The following SCARA3 variants were observed in gnomAD, a reference collection of about 807,000 sequenced individuals.
SCARA3 encodes cellular stress response gene protein.
In SCARA3, 39 loss-of-function variants were observed where a neutral mutation model predicts 47.0. That is an observed-to-expected ratio of 0.83 (90% CI 0.64 to 1.08). The LOEUF is 1.08. Among genes scored for constraint, SCARA3 ranks in the 50% least tolerant of loss-of-function variants. The pLI is 0.00. For synonymous variants in SCARA3, 356 were observed against 334.1 expected, an observed-to-expected ratio of 1.07 and a Z score of -0.71; for missense variants, 724 against 792.3, an observed-to-expected ratio of 0.91 and a Z score of 1.04.
rs561125168 is a variant in SCARA3, at chr8:27,640,258, G to A, written c.7+6051G>A. 2.1e-4 allele frequency among the ~76,000 whole-genome samples: 32 copies of A among 152,210 alleles called. No homozygotes were observed. The South Asian group carries it at 6.5e-3, about 31-fold the overall frequency. Reference sequence around the variant, plus strand: ...CCAAAAAGGAAAAACATTCACTCACGTGAACTCCTGCCCTGTAGAGATAAT... The same window carrying A: ...CCAAAAAGGAAAAACATTCACTCACATGAACTCCTGCCCTGTAGAGATAAT... On this transcript the variant is annotated intron_variant, in intron 1 of 5. Transcript: ENST00000301904.
At chr8:27,657,290 G>A (rs1217027436) in intron 4 of SCARA3, among the ~76,000 whole-genome samples, 1 of 150,956 alleles carries the variant, frequency 6.6e-6, no homozygotes, top group African/African-American at 2.4e-5. Flanking sequence ...TTTTTAATAT[G>A]TGCCATCTAT....
At chr8:27,675,170 G>A (rs1374489818), downstream of SCARA3, among the ~76,000 whole-genome samples, 1 of 152,230 alleles carries the variant, frequency 6.6e-6, no homozygotes, top group African/African-American at 2.4e-5. Context: ...AGGCAGGACA[G>A]GGGGCTGGGC....
chr8:27,689,260 C>T, the SCARA3 span, among the ~76,000 whole-genome samples: 1 of 152,180 alleles, frequency 6.6e-6, no homozygotes, highest in Non-Finnish European at 1.5e-5. Flanking sequence ...CCCCCAGTTC[C>T]GACGGAAGGG....
At chr8:27,665,753 T>A (rs747097808) in intron 5 of SCARA3, among the ~76,000 whole-genome samples, 6 of 152,226 alleles carry the variant, frequency 3.9e-5, no homozygotes, top group Non-Finnish European at 8.8e-5. Flanking sequence ...ATTGTGAGGA[T>A]CAGTGTTCAC....
chr8:27,662,904 T>C (rs1801941505), intron 5 of SCARA3, among the ~76,000 whole-genome samples: 1 of 152,244 alleles, frequency 6.6e-6, no homozygotes, highest in Non-Finnish European at 1.5e-5. Context: ...GAACAGGTCA[T>C]GCTATCCACC....
intron 1 of SCARA3, among the ~76,000 whole-genome samples, chr8:27,644,006 G>C (rs773904783): frequency 5.9e-5 from 9 of 152,110 alleles, no homozygotes; most frequent in Non-Finnish European, 8.8e-5. Flanking sequence ...GTCAGTGGCC[G>C]TGCTTAGCAA....
At chr8:27,717,867 C>T in the SCARA3 span, among the ~76,000 whole-genome samples, 1 of 152,146 alleles carries the variant, frequency 6.6e-6, no homozygotes, top group Non-Finnish European at 1.5e-5. Context: ...CTTCCTAATG[C>T]CTTAGCACGG....
At chr8:27,691,122 C>T in the SCARA3 span, among the ~76,000 whole-genome samples, 1 of 152,050 alleles carries the variant, frequency 6.6e-6, no homozygotes, top group Non-Finnish European at 1.5e-5. Flanking sequence ...ACTCTTCTGC[C>T]CCTTTTGAAT....
the SCARA3 span, among the ~76,000 whole-genome samples, chr8:27,697,714 G>A: frequency 3.9e-5 from 6 of 152,274 alleles, no homozygotes; most frequent in East Asian, 9.7e-4. Context: ...TCCTCATACT[G>A]TTCTCCTGGT....
chr8:27,668,811 C>T (rs1802078111), intron 5 of SCARA3, among the ~76,000 whole-genome samples: 2 of 152,164 alleles, frequency 1.3e-5, no homozygotes, highest in Admixed American at 1.3e-4. Flanking sequence ...TGCATTCCAG[C>T]CACAACAGAG....
chr8:27,634,287 T>C lies in SCARA3; in HGVS notation c.7+80T>C, dbSNP rs771841043. On this transcript the variant is annotated intron_variant, in intron 1 of 5. Coordinates refer to ENST00000301904, the MANE Select transcript of SCARA3 (RefSeq NM_016240.3). Reference sequence around the variant, plus strand: ...CACCCAGGGCCTGGGGGGCGCCTTTTCTGCAGGCGAGGCTGAGAGGAGGGC... The same window carrying C: ...CACCCAGGGCCTGGGGGGCGCCTTTCCTGCAGGCGAGGCTGAGAGGAGGGC... The C allele has an allele frequency of 5.2e-4, 639 of 1,233,202 alleles. 3 individuals are homozygous for C. The Middle Eastern group carries it at 0.011, about 22-fold the overall frequency. 76.4% of individuals were successfully genotyped at this position (1,233,202 alleles called of 1,614,324 possible). A position where few individuals can be genotyped will look rare whatever the true frequency, so the allele number is the denominator to read the frequency against.
downstream of SCARA3, among the ~76,000 whole-genome samples, chr8:27,673,535 T>G (rs35643026): frequency 0.07 from 10,576 of 152,128 alleles, 427 homozygotes; most frequent in East Asian, 0.22. Context: ...GTTTTTTGGG[T>G]TTTTTTGGAG....
intron 1 of SCARA3, among the ~76,000 whole-genome samples, chr8:27,639,056 C>T (rs1801324103): frequency 6.6e-6 from 1 of 152,154 alleles, no homozygotes; most frequent in Non-Finnish European, 1.5e-5. Flanking sequence ...CATCGGTGTC[C>T]TCAGTGTCTC....
the SCARA3 span, among the ~76,000 whole-genome samples, chr8:27,719,371 G>T: frequency 6.6e-6 from 1 of 152,122 alleles, no homozygotes; most frequent in Non-Finnish European, 1.5e-5. Flanking sequence ...ACACACTGGG[G>T]ACTTTCAGAG....
chr8:27,689,676 G>T, the SCARA3 span, among the ~76,000 whole-genome samples: 2 of 152,314 alleles, frequency 1.3e-5, no homozygotes, highest in East Asian at 3.9e-4. Context: ...CTGGGTCCTT[G>T]CAGGGCCCCA....
At chr8:27,722,818 C>T in the SCARA3 span, among the ~76,000 whole-genome samples, 1 of 152,316 alleles carries the variant, frequency 6.6e-6, no homozygotes, top group South Asian at 2.1e-4. Flanking sequence ...CCACCATTGA[C>T]ACTGAAGGTC....
At chr8:27,655,796 G>A (rs773738325) in intron 3 of SCARA3, among the ~76,000 whole-genome samples, 1 of 152,292 alleles carries the variant, frequency 6.6e-6, no homozygotes, top group Middle Eastern at 3.4e-3. Context: ...TATATAGAGT[G>A]CCATGCAGAT....
intron 1 of SCARA3, among the ~76,000 whole-genome samples, chr8:27,635,667 G>T (rs1293170172): frequency 6.6e-6 from 1 of 151,420 alleles, no homozygotes; most frequent in Non-Finnish European, 1.5e-5. Flanking sequence ...TATTGCCCAG[G>T]TTGGTCTATA....
chr8:27,634,463 C>T (rs1801206235), intron 1 of SCARA3, among the ~76,000 whole-genome samples: 2 of 152,178 alleles, frequency 1.3e-5, no homozygotes, highest in African/African-American at 4.8e-5. Flanking sequence ...TTGCTCTAAC[C>T]TCACAAATAA....
Sources: gnomAD v4.1 joint callset for allele counts (sites outside exome capture counted in the v4.1 genomes callset) on GRCh38, gnomAD v4.1.1 for gene constraint, MANE v1.5 for transcripts, NCBI Gene and HGNC (gene_info 2026-07-23, HGNC 2026-07-21) for gene names.